The following PCDH15 variants were observed in gnomAD, a reference collection of about 807,000 sequenced individuals.
The protein encoded by PCDH15 is protocadherin-15.
Under a neutral mutation model 178.5 loss-of-function variants are expected in PCDH15, and 129 were observed. That is an observed-to-expected ratio of 0.72 (90% CI 0.63 to 0.84). The LOEUF (loss-of-function observed/expected upper bound fraction) is 0.84, where lower values mean the gene tolerates loss of function less well. Ranked by LOEUF, PCDH15 falls within the 40% of genes least tolerant of loss-of-function variation. The probability of loss-of-function intolerance (pLI) is 0.00; values close to 1 mark genes in which losing one functional copy is unlikely to be tolerated. For synonymous variants in PCDH15, 800 were observed against 732.0 expected (o/e 1.09, Z -1.50); for missense variants, 2,230 against 2,099.9 (o/e 1.06, Z -1.21).
chr10:54,102,692 G>T (rs7089864), intron 15 of PCDH15, among the ~76,000 whole-genome samples: 116,578 of 152,088 alleles, frequency 0.77, 45,827 homozygotes, highest in African/African-American at 0.92. Context: ...CCTACCATAA[G>T]AGCCCTCCAG....
intron 1 of PCDH15, among the ~76,000 whole-genome samples, chr10:54,717,421 AC>A (rs1243045968): frequency 1.4e-5 from 2 of 141,568 alleles, no homozygotes; most frequent in Non-Finnish European, 3.1e-5. Context: ...CAAGAAAAAA[AC>A]AAACAACCCC....
chr10:55,301,217 C>T (rs1268775488), intron 1 of PCDH15, among the ~76,000 whole-genome samples: 3 of 152,156 alleles, frequency 2.0e-5, no homozygotes, highest in African/African-American at 7.2e-5. Flanking sequence ...ATTTTACATT[C>T]CCACCAGCAA....
chr10:54,063,358 TTC>T (rs2094070462), intron 18 of PCDH15, among the ~76,000 whole-genome samples: 1 of 152,236 alleles, frequency 6.6e-6, no homozygotes, highest in African/African-American at 2.4e-5. Context: ...TTCTCTCAAC[TTC>T]TCTCTTACCT....
chr10:55,028,545 A>G (rs1840531803), intron 2 of PCDH15, among the ~76,000 whole-genome samples: 1 of 152,052 alleles, frequency 6.6e-6, no homozygotes. Flanking sequence ...GCTACATTTA[A>G]CTTTAAATAT....
At chr10:54,025,153 T>C (rs2093044405) in intron 18 of PCDH15, among the ~76,000 whole-genome samples, 1 of 152,192 alleles carries the variant, frequency 6.6e-6, no homozygotes, top group African/African-American at 2.4e-5. Context: ...TTTATACATG[T>C]CCAGCTGCTT....
At chr10:55,528,629 T>C (rs376654217) in intron 2 of PCDH15, among the ~76,000 whole-genome samples, 11 of 152,128 alleles carry the variant, frequency 7.2e-5, no homozygotes, top group Non-Finnish European at 1.3e-4. Flanking sequence ...TCTTTCATTG[T>C]TGGACATTTG....
intron 2 of PCDH15, among the ~76,000 whole-genome samples, chr10:55,500,662 C>A (rs149903677): frequency 6.6e-6 from 1 of 151,698 alleles, no homozygotes; most frequent in African/African-American, 2.4e-5. Context: ...CCTGATCATC[C>A]ATATGGAATT....
chr10:54,661,125 C>A (rs950615559), intron 2 of PCDH15, among the ~76,000 whole-genome samples: 8 of 151,972 alleles, frequency 5.3e-5, no homozygotes, highest in African/African-American at 1.9e-4. Context: ...TTGCTAATGA[C>A]AATCTTACAC....
At chr10:54,482,912 G>T (rs564097901) in intron 3 of PCDH15, among the ~76,000 whole-genome samples, 2 of 151,706 alleles carry the variant, frequency 1.3e-5, no homozygotes, top group African/African-American at 4.8e-5. Context: ...ACTATGCAAG[G>T]AGTAAAATAT....
At chr10:54,712,602 C>T (rs2095437693) in intron 1 of PCDH15, among the ~76,000 whole-genome samples, 1 of 151,902 alleles carries the variant, frequency 6.6e-6, no homozygotes, top group East Asian at 1.9e-4. Context: ...ACCCTGTTCT[C>T]CAGCTGGAAA....
chr10:54,007,352 C>A (rs1460933515), intron 20 of PCDH15, among the ~76,000 whole-genome samples: 1 of 151,620 alleles, frequency 6.6e-6, no homozygotes, highest in African/African-American at 2.4e-5. Flanking sequence ...TAGAAATATA[C>A]AAGAAAAATA....
chr10:54,123,806 C>A (rs1023926315), intron 15 of PCDH15, among the ~76,000 whole-genome samples: 1 of 152,072 alleles, frequency 6.6e-6, no homozygotes, highest in Non-Finnish European at 1.5e-5. Flanking sequence ...ATATACACTA[C>A]GGAATACTAC....
intron 2 of PCDH15, among the ~76,000 whole-genome samples, chr10:55,124,401 T>A (rs1456802064): frequency 6.6e-6 from 1 of 152,188 alleles, no homozygotes; most frequent in Non-Finnish European, 1.5e-5. Flanking sequence ...TGATTTCGAA[T>A]GATGTAAACA....
At chr10:55,175,022 A>G (rs1263156704) in intron 1 of PCDH15, among the ~76,000 whole-genome samples, 1 of 149,460 alleles carries the variant, frequency 6.7e-6, no homozygotes, top group Non-Finnish European at 1.5e-5. Context: ...ACTTACAAAC[A>G]GCAGAGAAGT....
Position 54,346,384 on chromosome 10 carries a change from T to G in PCDH15, c.575A>C (p.Gln192Pro), listed in dbSNP as rs201496062. 1 of 1,613,384 alleles carries G rather than the reference T, an allele frequency of 6.2e-7. No individual in the cohort carries two copies. Among genetic ancestry groups the G allele is most frequent in the Non-Finnish European group, 8.5e-7 (1 of 1,179,418 alleles). ...ACATACCGGATCATCTGGATTATAC[T>G]GAATAACATACTCTATCTGTCCATT... ...GPNGQIEYVI[Q>P]YNPDDPTSND... Residue 192 changes from glutamine to proline, a missense_variant, in exon 6 of 38, where the codon CAG becomes CCG. Coordinates refer to ENST00000644397, the MANE Select transcript of PCDH15 (RefSeq NM_001384140.1).
chr10:54,309,121 T>A (rs1591721117), intron 8 of PCDH15, among the ~76,000 whole-genome samples: 1 of 152,140 alleles, frequency 6.6e-6, no homozygotes, highest in African/African-American at 2.4e-5. Context: ...AGTGAGGATA[T>A]ACTTTAATAT....
intron 8 of PCDH15, among the ~76,000 whole-genome samples, chr10:54,307,448 C>T (rs1024460319): frequency 1.3e-5 from 2 of 151,368 alleles, no homozygotes; most frequent in African/African-American, 4.8e-5. Flanking sequence ...CAACAGGAGG[C>T]TCTGTGGGAC....
chr10:54,879,792 A>G (rs1008815152), intron 3 of PCDH15, among the ~76,000 whole-genome samples: 1 of 151,994 alleles, frequency 6.6e-6, no homozygotes, highest in East Asian at 1.9e-4. Flanking sequence ...AAATCCATTA[A>G]CAAATATTAA....
intron 2 of PCDH15, among the ~76,000 whole-genome samples, chr10:55,617,242 CAG>C (rs1244426868): frequency 2.6e-5 from 4 of 151,972 alleles, no homozygotes; most frequent in African/African-American, 9.7e-5. Flanking sequence ...TGTGGGAGAG[CAG>C]AGAGATTTAA....
Sources: allele counts gnomAD v4.1 joint callset (sites outside exome capture counted in the v4.1 genomes callset), GRCh38; gene constraint gnomAD v4.1.1; transcripts MANE v1.5; gene names NCBI Gene and HGNC (gene_info 2026-07-23, HGNC 2026-07-21).